SH3TC2: variants seen among roughly 807,000 people sequenced by gnomAD.
SH3TC2 encodes SH3 domain and tetratricopeptide repeats 2.
A neutral mutation model predicts 124.5 loss-of-function variants in SH3TC2; 87 were observed. That is an observed-to-expected ratio of 0.70 (90% CI 0.59 to 0.84). The LOEUF is 0.84. Ranked by LOEUF, SH3TC2 falls within the 40% of genes least tolerant of loss-of-function variation. The pLI is 0.00. For missense variants in SH3TC2, 1,536 were observed against 1,566.4 expected (o/e 0.98, Z 0.33); for synonymous variants, 634 against 628.5 (o/e 1.01, Z -0.13).
chr5:149,033,053 A>G (rs1025785836), intron 8 of SH3TC2, among the ~76,000 whole-genome samples: 1 of 152,186 alleles, frequency 6.6e-6, no homozygotes, highest in African/African-American at 2.4e-5. Flanking sequence ...TAACAACTTT[A>G]TGGTGCAGGT....
Position 149,012,600 on chromosome 5 carries a change from A to G in SH3TC2, c.3188T>C (p.Val1063Ala). The G allele has an allele frequency of 6.2e-7, 1 of 1,614,128 alleles. No homozygotes were observed. Among genetic ancestry groups the G allele is most frequent in the African/African-American group, 1.3e-5 (1 of 75,026 alleles). ...LHYLMQEDEL[V>A]ELCLQAAIQT... ...GAGGCCTACCTGCAGGCACAGCTCC[A>G]CCAGCTCGTCTTCCTGCATGAGGTA... The change falls in exon 13 of 17, where the codon GTG (valine) becomes GCG (alanine). Residue 1063 changes from valine (V) to alanine (A), a missense_variant. Transcript: ENST00000515425.
chr5:149,021,697 C>A (rs1753972234), intron 12 of SH3TC2, among the ~76,000 whole-genome samples: 1 of 151,486 alleles, frequency 6.6e-6, no homozygotes, highest in Non-Finnish European at 1.5e-5. Flanking sequence ...CAAAAACTAC[C>A]AAAACTGCTC....
At chr5:149,034,533 A>G in intron 8 of SH3TC2, 1 of 393,352 alleles carries the variant, frequency 2.5e-6, no homozygotes, top group Non-Finnish European at 5.1e-6. Flanking sequence ...GAGCAAAATA[A>G]ATAAATATAA....
At chr5:149,007,328 C>A (rs1753708143) in intron 15 of SH3TC2, 1 of 618,044 alleles carries the variant, frequency 1.6e-6, no homozygotes. Flanking sequence ...AAATGCAGGG[C>A]TCTATAAGAG....
At chr5:149,061,276 G>A (rs1185603610) in intron 1 of SH3TC2, among the ~76,000 whole-genome samples, 1 of 152,142 alleles carries the variant, frequency 6.6e-6, no homozygotes, top group East Asian at 1.9e-4. Context: ...TGTTCTACAG[G>A]AAATCTTTGG....
Position 148,998,512 on chromosome 5 carries a change from G to A in SH3TC2, c.*6199C>T, listed in dbSNP as rs1395250147. ...ATCCCTCAAGCTAGTGTGATGCCCT[G>A]GATAAGGAGTCAAAGGCAGCACTAG... On this transcript the variant is annotated 3_prime_UTR_variant, in exon 17 of 17. Coordinates refer to ENST00000515425, the MANE Select transcript of SH3TC2 (RefSeq NM_024577.4). Among the ~76,000 whole-genome samples the A allele has an allele frequency of 6.6e-6, 1 of 152,180 alleles. No individual in the cohort carries two copies. The highest frequency in any genetic ancestry group is 1.5e-5 in the Non-Finnish European group (1 of 68,038).
intron 9 of SH3TC2, among the ~76,000 whole-genome samples, chr5:149,030,796 A>T (rs1754177701): frequency 6.6e-6 from 1 of 152,256 alleles, no homozygotes. Context: ...GAGCGGACAC[A>T]ATGTCACCAT....
intron 1 of SH3TC2, among the ~76,000 whole-genome samples, chr5:149,060,825 G>A (rs778915975): frequency 2.6e-5 from 4 of 152,116 alleles, no homozygotes; most frequent in Non-Finnish European, 5.9e-5. Flanking sequence ...AAGTTCCATG[G>A]GATAAGTACC....
chr5:149,011,469 G>A (rs1412621856), intron 13 of SH3TC2, among the ~76,000 whole-genome samples: 1 of 152,238 alleles, frequency 6.6e-6, no homozygotes, highest in African/African-American at 2.4e-5. Flanking sequence ...ATGGCGTAGA[G>A]GCTGAGAGTG....
At chr5:149,052,331 A>T in intron 1 of SH3TC2, 91 bp from the exon 2 acceptor site, 2 of 944,210 alleles carry the variant, frequency 2.1e-6, no homozygotes, top group Admixed American at 1.7e-5. Flanking sequence ...CAAGTGACAA[A>T]TTTTTTCCAG....
intron 6 of SH3TC2, 77 bp from the exon 7 acceptor site, chr5:149,040,754 A>AATG: frequency 4.2e-6 from 5 of 1,190,126 alleles, no homozygotes; most frequent in South Asian, 2.4e-5. Context: ...CTATCAGAAT[A>AATG]ATGATGATGA....
rs754361896 is a variant in SH3TC2 at position 149,003,747 on chromosome 5, A to G, written c.*964T>C. 2.7e-5 allele frequency: 12 copies of G among 443,212 alleles called. No homozygotes were observed. The highest frequency in any genetic ancestry group is 4.9e-5 in the Non-Finnish European group (11 of 222,750). 27.5% of individuals were successfully genotyped at this position (443,212 alleles called of 1,614,324 possible). On this transcript the variant is annotated 3_prime_UTR_variant, in exon 17 of 17. Transcript: ENST00000515425. ...ATGCCTGTAGTTCCAGCTACTCAGG[A>G]GGTTGACACTGGAGGATCACTTGAG...
intron 16 of SH3TC2, among the ~76,000 whole-genome samples, chr5:149,005,725 G>C (rs1398349995): frequency 6.6e-6 from 1 of 152,176 alleles, no homozygotes; most frequent in Non-Finnish European, 1.5e-5. Flanking sequence ...TCATAAGTCA[G>C]TAATTAATTC....
intron 3 of SH3TC2, chr5:149,047,207 TGA>T (rs1304090273): frequency 2.0e-5 from 3 of 153,112 alleles, no homozygotes; most frequent in African/African-American, 7.2e-5. Flanking sequence ...CTATGAAAGA[TGA>T]GAAATTGGTT....
Position 149,038,574 on chromosome 5 carries a change from G to A in SH3TC2, c.806-84C>T, listed in dbSNP as rs187403313. ...ACCTTCCAATGCAATAGAAAATGAGGGGTTCCCAGACTTTAGAATGTCAAG... is the reference window on the plus strand; with the variant it reads ...ACCTTCCAATGCAATAGAAAATGAGAGGTTCCCAGACTTTAGAATGTCAAG... On this transcript the variant is annotated intron_variant, in intron 7 of 16. Transcript: ENST00000515425. 3,596 of 1,421,212 alleles carry A rather than the reference G, an allele frequency of 2.5e-3. 6 individuals carry two copies. The highest frequency in any genetic ancestry group is 3.2e-3 in the Non-Finnish European group (3,204 of 1,009,126). The allele number at this position is 1,421,212 out of a possible 1,614,324, so 88.0% of individuals were successfully genotyped here. A position where few individuals can be genotyped will look rare whatever the true frequency, so the allele number is the denominator to read the frequency against.
chr5:149,034,372 T>C (rs1179294062), intron 8 of SH3TC2: 1 of 233,098 alleles, frequency 4.3e-6, no homozygotes, highest in Non-Finnish European at 8.8e-6. Context: ...AGAATGAGGA[T>C]AGAGTAAGTC....
intron 5 of SH3TC2, 79 bp from the exon 6 acceptor site, chr5:149,041,696 C>G: frequency 6.8e-7 from 1 of 1,470,848 alleles, no homozygotes; most frequent in South Asian, 1.2e-5. Context: ...AGTAATGCTT[C>G]TATTCAGAGC....
rs1014314853 is a variant in SH3TC2 at position 149,000,804 on chromosome 5, C to T, written c.*3907G>A. ...ATGTGTCTGGGAGAAAGTTACCCTT[C>T]TGTTCCTCAGTTTACTCACCTGTAA... On this transcript the variant is annotated 3_prime_UTR_variant, in exon 17 of 17. Coordinates refer to ENST00000515425, the MANE Select transcript of SH3TC2 (RefSeq NM_024577.4). Among the ~76,000 whole-genome samples the T allele has an allele frequency of 6.6e-6, 1 of 152,170 alleles. No individual in the cohort carries two copies. Among genetic ancestry groups the T allele is most frequent in the Non-Finnish European group, 1.5e-5 (1 of 68,028 alleles).
In SH3TC2 at chr5:148,996,055, A is replaced by G. The variant is rs533379378; in HGVS notation, c.*8656T>C. On this transcript the variant is annotated 3_prime_UTR_variant, in exon 17 of 17. Coordinates refer to ENST00000515425, the MANE Select transcript of SH3TC2 (RefSeq NM_024577.4). ...CCAGGAGTTTGAGACTAGCATGGGCAACATGGTGGAAACCCATCTCTACAA... is the reference window on the plus strand; with the variant it reads ...CCAGGAGTTTGAGACTAGCATGGGCGACATGGTGGAAACCCATCTCTACAA... Among the ~76,000 whole-genome samples the G allele has an allele frequency of 6.6e-6, 1 of 151,956 alleles. No homozygotes were observed. The highest frequency in any genetic ancestry group is 6.6e-5 in the Admixed American group (1 of 15,196).
Sources: gnomAD v4.1 joint callset for allele counts (sites outside exome capture counted in the v4.1 genomes callset) on GRCh38, gnomAD v4.1.1 for gene constraint, MANE v1.5 for transcripts, NCBI Gene and HGNC (gene_info 2026-07-23, HGNC 2026-07-21) for gene names.